The following NET1 variants were observed in gnomAD, a reference collection of about 807,000 sequenced individuals.
The protein encoded by NET1 is neuroepithelial cell-transforming gene 1 protein.
In NET1, 42 loss-of-function variants were observed where a neutral mutation model predicts 61.1. The observed-to-expected ratio is 0.69, with a 90% CI of 0.54 to 0.89. The LOEUF is 0.89. Among genes scored for constraint, NET1 ranks in the 40% least tolerant of loss-of-function variants. The pLI, the probability that NET1 is intolerant of heterozygous loss-of-function variation, is 0.00. For missense variants in NET1, 654 were observed against 747.3 expected (o/e 0.88, Z 1.46); for synonymous variants, 254 against 281.8 (o/e 0.90, Z 0.99).
In NET1 at chr10:5,451,106, T is replaced by C. The variant is rs1832695606; in HGVS notation, c.256-724T>C. Among the ~76,000 whole-genome samples the C allele has an allele frequency of 6.6e-6, 1 of 152,286 alleles. No homozygotes were observed. Among genetic ancestry groups the C allele is most frequent in the South Asian group, 2.1e-4 (1 of 4,828 alleles). On this transcript the variant is annotated intron_variant, in intron 3 of 11. Coordinates refer to ENST00000355029, the MANE Select transcript of NET1 (RefSeq NM_001047160.3). This position sits in a 1 kb window ranked among gnomAD's most constrained non-coding sequence, Gnocchi z 6.1. ...TCAAGCCATATTATTCATTTAATCT[T>C]CACAACAACTTCATAAGAGAAGTGC...
Position 5,455,285 on chromosome 10 carries a change from C to A in NET1, c.1197+167C>A, listed in dbSNP as rs1564469489. On this transcript the variant is annotated intron_variant, in intron 10 of 11. Coordinates refer to ENST00000355029, the MANE Select transcript of NET1 (RefSeq NM_001047160.3). The surrounding 1 kb of genome is among the most constrained non-coding windows in gnomAD (Gnocchi z 6.5). Reference sequence around the variant, plus strand: ...CTTGATAAAGCCAACAAAGAAGATACCTTAAATGTCTCAGTGGAGAATCAG... The same window carrying A: ...CTTGATAAAGCCAACAAAGAAGATAACTTAAATGTCTCAGTGGAGAATCAG... Among the ~76,000 whole-genome samples, 1 of 151,994 alleles carries A rather than the reference C, an allele frequency of 6.6e-6. No individual in the cohort carries two copies. The highest frequency in any genetic ancestry group is 2.4e-5 in the African/African-American group (1 of 41,392).
Position 5,446,647 on chromosome 10 carries a change from G to A in NET1, c.256-5183G>A, listed in dbSNP as rs1055305620. The A allele has an allele frequency of 1.5e-5, 19 of 1,303,080 alleles. No individual in the cohort carries two copies. Among genetic ancestry groups the A allele is most frequent in the Non-Finnish European group, 7.8e-6 (8 of 1,020,030 alleles). 80.7% of individuals were successfully genotyped at this position (1,303,080 alleles called of 1,614,324 possible). On this transcript the variant is annotated intron_variant, in intron 3 of 11. Transcript: ENST00000355029. This position sits in a 1 kb window ranked among gnomAD's most constrained non-coding sequence, Gnocchi z 5.0. The stretch of plus-strand genomic sequence containing the variant: ...CCACCGCGGCGAGAGGCATGGGCAC[G>A]TGGCTGCCGAGGGTGGCCGAGCTCT...
At position 5,435,534 on chromosome 10, in the gene NET1, CAGACAGACAGAT is replaced by C. The variant is rs1172961937; in HGVS notation, c.255+6309_255+6320del. ...ATAGATAGATAGATAGATAGATAGA[CAGACAGACAGAT>C]AGATAGATAGATAGATAAAATAGAT... On this transcript the variant is annotated intron_variant, in intron 3 of 11. Coordinates refer to ENST00000355029, the MANE Select transcript of NET1 (RefSeq NM_001047160.3). This position sits in a 1 kb window ranked among gnomAD's most constrained non-coding sequence, Gnocchi z 5.0. 7.9e-3 allele frequency among the ~76,000 whole-genome samples: 47 copies of C among 5,938 alleles called. 1 individual carries two copies. Among genetic ancestry groups the C allele is most frequent in the Middle Eastern group, 0.25 (2 of 8 alleles). The allele number at this position is 5,938 out of a possible 152,430, so 3.9% of individuals were successfully genotyped here. A position where few individuals can be genotyped will look rare whatever the true frequency, so the allele number is the denominator to read the frequency against.
rs1178660441 is a variant in NET1 at position 5,415,772 on chromosome 10, G to A, written c.128+2952G>A. On this transcript the variant is annotated intron_variant, in intron 1 of 11. Transcript: ENST00000355029. The surrounding 1 kb of genome is among the most constrained non-coding windows in gnomAD (Gnocchi z 4.7). ...TTTTAAATTTCTTTTTTATTGAGTT[G>A]TTAAGAGTTCTTTATTCTGGATACA... Among the ~76,000 whole-genome samples the A allele has an allele frequency of 6.6e-6, 1 of 152,076 alleles. No individual in the cohort carries two copies. Among genetic ancestry groups the A allele is most frequent in the African/African-American group, 2.4e-5 (1 of 41,422 alleles).
chr10:5,448,561 T>C lies in NET1; in HGVS notation c.256-3269T>C, dbSNP rs567350890. On this transcript the variant is annotated intron_variant, in intron 3 of 11. Coordinates refer to ENST00000355029, the MANE Select transcript of NET1 (RefSeq NM_001047160.3). Reference sequence around the variant, plus strand: ...ACTTATGTTAGAGAGTGTTGGACTTTTTTTCCCTCCAAGTGAACTTTAGCC... The same window carrying C: ...ACTTATGTTAGAGAGTGTTGGACTTCTTTTCCCTCCAAGTGAACTTTAGCC... Among the ~76,000 whole-genome samples, 6 of 152,294 alleles carry C rather than the reference T, an allele frequency of 3.9e-5. 1 individual carries two copies. In the South Asian group the frequency reaches 1.2e-3, roughly 32 times the overall value.
intron 2 of NET1, among the ~76,000 whole-genome samples, chr10:5,428,782 G>C (rs537058842): frequency 6.6e-6 from 1 of 151,444 alleles, no homozygotes; most frequent in Middle Eastern, 3.4e-3. Flanking sequence ...GAGTGCAGTG[G>C]CGCAATCTCG....
intron 3 of NET1, among the ~76,000 whole-genome samples, chr10:5,438,187 G>A (rs1832468017): frequency 6.6e-6 from 1 of 152,094 alleles, no homozygotes; most frequent in African/African-American, 2.4e-5. Flanking sequence ...ATTCCTTAAG[G>A]AGGTAATAAA....
chr10:5,416,475 A>C lies in NET1; in HGVS notation c.128+3655A>C, dbSNP rs1306178022. 6.6e-6 allele frequency among the ~76,000 whole-genome samples: 1 copy of C among 152,218 alleles called. No individual in the cohort carries two copies. The highest frequency in any genetic ancestry group is 1.5e-5 in the Non-Finnish European group (1 of 68,036). Reference sequence around the variant, plus strand: ...TGATAGAGATTGCATTAAATCTTGTAGATCATTTTCAGGAGTATTGCCCTC... The same window carrying C: ...TGATAGAGATTGCATTAAATCTTGTCGATCATTTTCAGGAGTATTGCCCTC... On this transcript the variant is annotated intron_variant, in intron 1 of 11. Coordinates refer to ENST00000355029, the MANE Select transcript of NET1 (RefSeq NM_001047160.3). This position sits in a 1 kb window ranked among gnomAD's most constrained non-coding sequence, Gnocchi z 6.1.
rs60489609 is a variant in NET1, at chr10:5,449,243, C to A, written c.256-2587C>A. Among the ~76,000 whole-genome samples, 985 of 152,174 alleles carry A rather than the reference C, an allele frequency of 6.5e-3. 37 individuals carry two copies. The East Asian group carries it at 0.11, about 16-fold the overall frequency. The stretch of plus-strand genomic sequence containing the variant: ...TGTTCATACTTTTAAAATATATATA[C>A]TAAAAGTTTGTTTTGTATTTGCCAA... On this transcript the variant is annotated intron_variant, in intron 3 of 11. Coordinates refer to ENST00000355029, the MANE Select transcript of NET1 (RefSeq NM_001047160.3). The surrounding 1 kb of genome is among the most constrained non-coding windows in gnomAD (Gnocchi z 4.4).
intron 3 of NET1, among the ~76,000 whole-genome samples, chr10:5,434,340 C>T (rs759637123): frequency 2.0e-5 from 3 of 152,306 alleles, no homozygotes; most frequent in Non-Finnish European, 2.9e-5. Context: ...GGAGTCTACT[C>T]CTAGGAGTTT....
rs1008252681 is a variant in NET1 at position 5,427,754 on chromosome 10, G to T, written c.195+1033G>T. Among the ~76,000 whole-genome samples, 1 of 152,078 alleles carries T rather than the reference G, an allele frequency of 6.6e-6. No homozygotes were observed. Among genetic ancestry groups the T allele is most frequent in the Non-Finnish European group, 1.5e-5 (1 of 68,004 alleles). On this transcript the variant is annotated intron_variant, in intron 2 of 11. Coordinates refer to ENST00000355029, the MANE Select transcript of NET1 (RefSeq NM_001047160.3). The surrounding 1 kb of genome is among the most constrained non-coding windows in gnomAD (Gnocchi z 4.1). Reference sequence around the variant, plus strand: ...ATTCAAAACAGTGTGTTATAATTTTGCTCTGCTGCTTTGAGCATTTCCTCC... The same window carrying T: ...ATTCAAAACAGTGTGTTATAATTTTTCTCTGCTGCTTTGAGCATTTCCTCC...
chr10:5,451,566 G>A lies in NET1; in HGVS notation c.256-264G>A, dbSNP rs1242464561. On this transcript the variant is annotated intron_variant, in intron 3 of 11. Transcript: ENST00000355029. This position sits in a 1 kb window ranked among gnomAD's most constrained non-coding sequence, Gnocchi z 6.1. ...AACTGAAAAGTTCATTAGATTTTAG[G>A]ATGTAATTTCCTTGTTTGAATTTTA... 6.6e-6 allele frequency among the ~76,000 whole-genome samples: 1 copy of A among 150,734 alleles called. No individual in the cohort carries two copies. The highest frequency in any genetic ancestry group is 1.5e-5 in the Non-Finnish European group (1 of 67,786).
At position 5,452,706 on chromosome 10, in the gene NET1, A is replaced by G. The variant is rs1293215132; in HGVS notation, c.532-152A>G. 3 of 920,596 alleles carry G rather than the reference A, an allele frequency of 3.3e-6. No homozygotes were observed. Among genetic ancestry groups the G allele is most frequent in the South Asian group, 1.8e-5 (1 of 56,030 alleles). 57.0% of individuals were successfully genotyped at this position (920,596 alleles called of 1,614,324 possible). ...GGGTAAACTTACCAAACATACGGCAACCTTGTATTTGAGATTCCATTCTGA... is the reference window on the plus strand; with the variant it reads ...GGGTAAACTTACCAAACATACGGCAGCCTTGTATTTGAGATTCCATTCTGA... On this transcript the variant is annotated intron_variant, in intron 5 of 11. Transcript: ENST00000355029. The surrounding 1 kb of genome is among the most constrained non-coding windows in gnomAD (Gnocchi z 4.0).
chr10:5,446,518 G>A lies in NET1; in HGVS notation c.256-5312G>A. The A allele has an allele frequency of 9.1e-7, 1 of 1,096,054 alleles. No homozygotes were observed. The highest frequency in any genetic ancestry group is 1.1e-6 in the Non-Finnish European group (1 of 898,416). 67.9% of individuals were successfully genotyped at this position (1,096,054 alleles called of 1,614,324 possible). A position where few individuals can be genotyped will look rare whatever the true frequency, so the allele number is the denominator to read the frequency against. On this transcript the variant is annotated intron_variant, in intron 3 of 11. Coordinates refer to ENST00000355029, the MANE Select transcript of NET1 (RefSeq NM_001047160.3). The surrounding 1 kb of genome is among the most constrained non-coding windows in gnomAD (Gnocchi z 5.0). ...TGTGCCCAGCTCTCAGTTAACTGAAGTCACGTGGTGGTGGACCCCGCCCCC... is the reference window on the plus strand; with the variant it reads ...TGTGCCCAGCTCTCAGTTAACTGAAATCACGTGGTGGTGGACCCCGCCCCC...
chr10:5,453,434 A>G lies in NET1; in HGVS notation c.692-50A>G, dbSNP rs200654249. 384 of 1,599,194 alleles carry G rather than the reference A, an allele frequency of 2.4e-4. 2 individuals are homozygous for G. The highest frequency in any genetic ancestry group is 1.2e-3 in the African/African-American group (90 of 74,740). On this transcript the variant is annotated intron_variant, in intron 7 of 11. Transcript: ENST00000355029. This position sits in a 1 kb window ranked among gnomAD's most constrained non-coding sequence, Gnocchi z 4.9. ...TAAACTTCTAATGTAGTGCTGACCT[A>G]TTTTTTAAATAAACCTGTTAATGGT...
At chr10:5,413,918 T>G (rs571116812) in intron 1 of NET1, among the ~76,000 whole-genome samples, 51 of 152,304 alleles carry the variant, frequency 3.3e-4, no homozygotes, top group Non-Finnish European at 6.3e-4. Context: ...TTATAATATG[T>G]GATAAAAGTT....
Position 5,454,838 on chromosome 10 carries a change from T to C in NET1, c.1027-110T>C, listed in dbSNP as rs1832771429. The C allele has an allele frequency of 2.0e-6, 2 of 1,006,196 alleles. No homozygotes were observed. The highest frequency in any genetic ancestry group is 3.0e-6 in the Non-Finnish European group (2 of 676,598). 62.3% of individuals were successfully genotyped at this position (1,006,196 alleles called of 1,614,324 possible). ...TGGCAGAATTAACTGATTTCTAGAGTCCCTTCAAGCTTTAAAGTTCTTCCA... is the reference window on the plus strand; with the variant it reads ...TGGCAGAATTAACTGATTTCTAGAGCCCCTTCAAGCTTTAAAGTTCTTCCA... On this transcript the variant is annotated intron_variant, in intron 9 of 11. Coordinates refer to ENST00000355029, the MANE Select transcript of NET1 (RefSeq NM_001047160.3). The surrounding 1 kb of genome is among the most constrained non-coding windows in gnomAD (Gnocchi z 8.1).
At position 5,421,017 on chromosome 10, in the gene NET1, A is replaced by G. The variant is rs1407925226; in HGVS notation, c.129-5638A>G. On this transcript the variant is annotated intron_variant, in intron 1 of 11. Transcript: ENST00000355029. The surrounding 1 kb of genome is among the most constrained non-coding windows in gnomAD (Gnocchi z 4.2). ...TTCTGGCCTCAGCTTTGATTTACCTAATTATTTTCTGTCTTCTCCTTTGAG... is the reference window on the plus strand; with the variant it reads ...TTCTGGCCTCAGCTTTGATTTACCTGATTATTTTCTGTCTTCTCCTTTGAG... 6.6e-6 allele frequency among the ~76,000 whole-genome samples: 1 copy of G among 152,124 alleles called. No homozygotes were observed. Among genetic ancestry groups the G allele is most frequent in the Non-Finnish European group, 1.5e-5 (1 of 68,026 alleles).
In NET1 at chr10:5,446,841, T is replaced by G; in HGVS notation, c.256-4989T>G. On this transcript the variant is annotated intron_variant, in intron 3 of 11. Coordinates refer to ENST00000355029, the MANE Select transcript of NET1 (RefSeq NM_001047160.3). The surrounding 1 kb of genome is among the most constrained non-coding windows in gnomAD (Gnocchi z 5.0). Reference sequence around the variant, plus strand: ...ACGAGTCCTAGATGTCAATAACCAGTCCTTCAGAGAACAAGAGGTAAGACT... The same window carrying G: ...ACGAGTCCTAGATGTCAATAACCAGGCCTTCAGAGAACAAGAGGTAAGACT... 1 of 1,610,120 alleles carries G rather than the reference T, an allele frequency of 6.2e-7. No individual in the cohort carries two copies. The highest frequency in any genetic ancestry group is 8.5e-7 in the Non-Finnish European group (1 of 1,177,582).
Sources: gnomAD v4.1 joint callset for allele counts (sites outside exome capture counted in the v4.1 genomes callset) on GRCh38, gnomAD v4.1.1 for gene constraint, Gnocchi (gnomAD v3.1) non-coding constraint, MANE v1.5 for transcripts, NCBI Gene and HGNC (gene_info 2026-07-23, HGNC 2026-07-21) for gene names.